The following PRKG1 variants were observed in gnomAD, a reference collection of about 807,000 sequenced individuals.
PRKG1 encodes protein kinase cGMP-dependent 1.
Under a neutral mutation model 88.1 loss-of-function variants are expected in PRKG1, and 35 were observed. The ratio of observed to expected loss-of-function variants is 0.40; its 90% confidence interval spans 0.30 to 0.53. PRKG1 has a LOEUF of 0.53. Among genes scored for constraint, PRKG1 ranks in the 20% least tolerant of loss-of-function variants. PRKG1 has a pLI of 0.59. For synonymous variants in PRKG1, 303 were observed against 292.5 expected (o/e 1.04, Z -0.37); for missense variants, 540 against 839.8 (o/e 0.64, Z 4.41).
At chr10:52,214,013 T>C (rs9416050) in intron 9 of PRKG1, among the ~76,000 whole-genome samples, 150,707 of 152,282 alleles carry the variant, frequency 0.99, 74,591 homozygotes, top group Middle Eastern at 1. Context: ...TGATGAGCAT[T>C]TACGATGTGG....
chr10:52,008,970 T>G (rs1293776816), intron 5 of PRKG1, among the ~76,000 whole-genome samples: 1 of 152,044 alleles, frequency 6.6e-6, no homozygotes, highest in Non-Finnish European at 1.5e-5. Context: ...TTCAATAAAA[T>G]TCATCATCCC....
chr10:51,989,956 C>T (rs1021337930), intron 5 of PRKG1, among the ~76,000 whole-genome samples: 4 of 151,964 alleles, frequency 2.6e-5, no homozygotes, highest in Non-Finnish European at 4.4e-5. Flanking sequence ...ACATTTAAAT[C>T]TTTAATCCCT....
chr10:51,860,217 T>G (rs905526936), intron 4 of PRKG1, among the ~76,000 whole-genome samples: 4 of 152,180 alleles, frequency 2.6e-5, no homozygotes, highest in Non-Finnish European at 5.9e-5. Context: ...AAGTTTGTAC[T>G]TTCGAAAAAA....
chr10:51,304,064 C>T (rs540271953), intron 2 of PRKG1, among the ~76,000 whole-genome samples: 1 of 152,246 alleles, frequency 6.6e-6, no homozygotes, highest in Admixed American at 6.5e-5. Context: ...AGGTGATCTG[C>T]CCACCTCGGC....
intron 1 of PRKG1, among the ~76,000 whole-genome samples, chr10:51,063,356 A>G (rs1474671043): frequency 6.6e-6 from 1 of 152,216 alleles, no homozygotes; most frequent in African/African-American, 2.4e-5. Context: ...TATATAGCCT[A>G]TTACACACCC....
At chr10:51,658,651 A>G (rs903664756) in intron 3 of PRKG1, among the ~76,000 whole-genome samples, 3 of 152,104 alleles carry the variant, frequency 2.0e-5, no homozygotes, top group African/African-American at 4.8e-5. Context: ...AATTCTCACT[A>G]AAGGATATAG....
intron 3 of PRKG1, chr10:51,698,789 A>C: frequency 6.2e-7 from 1 of 1,614,172 alleles, no homozygotes; most frequent in Non-Finnish European, 8.5e-7. Flanking sequence ...AGGAGTCTGC[A>C]TCAGAGGAGG....
intron 4 of PRKG1, among the ~76,000 whole-genome samples, chr10:51,873,776 G>C (rs755910971): frequency 6.6e-6 from 1 of 152,008 alleles, no homozygotes; most frequent in Non-Finnish European, 1.5e-5. Context: ...TGATCCACTC[G>C]CCTCGGCCTC....
chr10:51,386,154 T>C (rs1837243771), intron 2 of PRKG1, among the ~76,000 whole-genome samples: 1 of 152,160 alleles, frequency 6.6e-6, no homozygotes. Flanking sequence ...CTTGTTCCAT[T>C]ATTCAGATGT....
chr10:52,070,977 AAT>A (rs1292061329), intron 7 of PRKG1, among the ~76,000 whole-genome samples: 1 of 152,228 alleles, frequency 6.6e-6, no homozygotes, highest in African/African-American at 2.4e-5. Context: ...AAAGTAGAAT[AAT>A]AGTGCTTGCC....
chr10:51,723,118 T>A (rs1008937900), intron 3 of PRKG1, among the ~76,000 whole-genome samples: 1 of 152,228 alleles, frequency 6.6e-6, no homozygotes, highest in Non-Finnish European at 1.5e-5. Flanking sequence ...GTGGTCACCA[T>A]ACCACTTTCT....
chr10:52,053,387 G>C (rs2133252558), intron 5 of PRKG1, among the ~76,000 whole-genome samples: 1 of 152,216 alleles, frequency 6.6e-6, no homozygotes, highest in South Asian at 2.1e-4. Flanking sequence ...GGCAATCTTA[G>C]CACTTTATGT....
intron 3 of PRKG1, among the ~76,000 whole-genome samples, chr10:51,493,196 T>A (rs1840755184): frequency 1.3e-5 from 2 of 152,204 alleles, no homozygotes; most frequent in South Asian, 4.1e-4. Flanking sequence ...TTGCTGTTTT[T>A]AAATTTTACT....
chr10:52,212,359 A>G (rs879559962), intron 9 of PRKG1, among the ~76,000 whole-genome samples: 4 of 152,184 alleles, frequency 2.6e-5, no homozygotes, highest in Non-Finnish European at 5.9e-5. Flanking sequence ...AGAAACCTTT[A>G]GGGTGAACTT....
chr10:51,839,649 G>A (rs940412303), intron 4 of PRKG1, among the ~76,000 whole-genome samples: 5 of 152,166 alleles, frequency 3.3e-5, no homozygotes, highest in African/African-American at 9.7e-5. Flanking sequence ...TGGATATGCA[G>A]GGTTCTCGAT....
chr10:51,596,971 G>A (rs1838465458), intron 3 of PRKG1, among the ~76,000 whole-genome samples: 1 of 152,050 alleles, frequency 6.6e-6, no homozygotes, highest in Admixed American at 6.6e-5. Flanking sequence ...TTATACAATT[G>A]GACTGATTAC....
intron 3 of PRKG1, among the ~76,000 whole-genome samples, chr10:51,639,359 C>T (rs1037350211): frequency 2.2e-5 from 3 of 136,010 alleles, no homozygotes; most frequent in Non-Finnish European, 3.1e-5. Flanking sequence ...GCGTGAACCT[C>T]GGAGGCCGAG....
chr10:51,269,817 A>G (rs1027162033), intron 2 of PRKG1, among the ~76,000 whole-genome samples: 2 of 152,208 alleles, frequency 1.3e-5, no homozygotes, highest in Admixed American at 1.3e-4. Context: ...CCACTAATGA[A>G]CTTATCCATG....
rs1182168864 is a variant in PRKG1 at position 51,698,803 on chromosome 10, G to A, written c.593-105782G>A. On this transcript the variant is annotated intron_variant, in intron 3 of 17. Transcript: ENST00000373980. Reference sequence around the variant, plus strand: ...TAGGAGTCTGCATCAGAGGAGGAATGTCCTTCACAGGTCTTCTAGCCAAAT... The same window carrying A: ...TAGGAGTCTGCATCAGAGGAGGAATATCCTTCACAGGTCTTCTAGCCAAAT... 1.9e-6 allele frequency: 3 copies of A among 1,614,080 alleles called. No individual in the cohort carries two copies. In the African/African-American group the frequency reaches 4.0e-5, roughly 22 times the overall value.
Sources: allele counts gnomAD v4.1 joint callset (sites outside exome capture counted in the v4.1 genomes callset), GRCh38; gene constraint gnomAD v4.1.1; transcripts MANE v1.5; gene names NCBI Gene and HGNC (gene_info 2026-07-23, HGNC 2026-07-21).